Variants in TRIOBP observed in about 807,000 individuals in gnomAD.
The protein encoded by TRIOBP is TRIO and F-actin-binding protein.
A neutral mutation model predicts 238.8 loss-of-function variants in TRIOBP; 169 were observed. The observed-to-expected ratio is 0.71, with a 90% CI of 0.62 to 0.80. TRIOBP has a LOEUF of 0.80. Among genes scored for constraint, TRIOBP ranks in the 30% least tolerant of loss-of-function variants. TRIOBP has a pLI of 0.00. For missense variants in TRIOBP, 2,838 were observed against 3,122.6 expected (o/e 0.91, Z 2.17); for synonymous variants, 1,150 against 1,274.4 (o/e 0.90, Z 2.08).
Position 37,751,814 on chromosome 22 carries a change from G to C in TRIOBP, c.5365G>C (p.Asp1789His). ...CAAGAAGGGATGGATGTCGATCTTG[G>C]ACGAGCCTGGAGAGGTAAGAGGACT... ...NFKKGWMSIL[D>H]EPGEPPSPSL... Residue 1789 changes from aspartate to histidine, a missense_variant, in exon 12 of 24, where the codon GAC (aspartate) becomes CAC (histidine). Asp to His is a moderately conservative substitution (Grantham distance 81). This residue lies in a region of TRIOBP where 2,096 missense variants were observed against 2,137.4 expected (regional missense o/e 0.98). Transcript: ENST00000644935. 14 of 1,614,066 alleles carry C rather than the reference G, an allele frequency of 8.7e-6. No individual in the cohort carries two copies. Among genetic ancestry groups the C allele is most frequent in the Non-Finnish European group, 1.2e-5 (14 of 1,180,004 alleles).
intron 7 of TRIOBP, 46 bp downstream of exon 7, chr22:37,726,549 C>T (rs764789620): frequency 2.6e-5 from 37 of 1,426,414 alleles, no homozygotes; most frequent in Non-Finnish European, 3.3e-5. Context: ...GGAGGAGGCT[C>T]GGCAGCAGGA....
intron 15 of TRIOBP, among the ~76,000 whole-genome samples, 186 bp from the exon 16 acceptor site, chr22:37,757,427 C>G (rs540010269): frequency 3.4e-4 from 52 of 152,196 alleles, no homozygotes; most frequent in African/African-American, 1.2e-3. Context: ...CCTGGGCTGT[C>G]AAGAGGTGGA....
intron 11 of TRIOBP, among the ~76,000 whole-genome samples, chr22:37,746,893 TG>T: frequency 6.6e-6 from 1 of 151,320 alleles, no homozygotes; most frequent in Non-Finnish European, 1.5e-5. Flanking sequence ...GCCCTCCGTG[TG>T]GCCGCTGGCC....
chr22:37,770,173 TCA>T (rs1410419826), intron 21 of TRIOBP, among the ~76,000 whole-genome samples: 1 of 140,346 alleles, frequency 7.1e-6, no homozygotes, highest in African/African-American at 2.6e-5. Context: ...GCGCGGTGGC[TCA>T]CGCCTGTAAT....
chr22:37,735,614 AATG>A (rs930491325), intron 9 of TRIOBP, among the ~76,000 whole-genome samples, 172 bp downstream of exon 9: 2 of 152,164 alleles, frequency 1.3e-5, no homozygotes, highest in African/African-American at 2.4e-5. Context: ...CTGGCCCAAC[AATG>A]ATGATGAGCA....
Position 37,774,851 on chromosome 22 carries a change from G to C in TRIOBP, c.*1071G>C, listed in dbSNP as rs768240701. ...GGGCCCAGGGCCCAGGCCTGAGAGAGAGGCCTGGGGCTAAGACTAGCCCTG... is the reference window on the plus strand; with the variant it reads ...GGGCCCAGGGCCCAGGCCTGAGAGACAGGCCTGGGGCTAAGACTAGCCCTG... On this transcript the variant is annotated 3_prime_UTR_variant, in exon 24 of 24. Transcript: ENST00000644935. The C allele has an allele frequency of 6.6e-6, 1 of 152,208 alleles. No individual in the cohort carries two copies. The highest frequency in any genetic ancestry group is 2.1e-4 in the South Asian group (1 of 4,824). The allele number at this position is 152,208 out of a possible 1,614,324, so 9.4% of individuals were successfully genotyped here.
At chr22:37,699,784 G>T (rs1922549325) in intron 2 of TRIOBP, among the ~76,000 whole-genome samples, 1 of 152,062 alleles carries the variant, frequency 6.6e-6, no homozygotes, top group Non-Finnish European at 1.5e-5. Context: ...CAGGTGATCT[G>T]CCCGCCTCGG....
At chr22:37,759,947 A>T (rs1307788215) in intron 17 of TRIOBP, 1 of 241,814 alleles carries the variant, frequency 4.1e-6, no homozygotes, top group East Asian at 1.2e-4. Context: ...ATATAATTTT[A>T]TTGTGAATTC....
In TRIOBP at chr22:37,713,241, G is replaced by A; in HGVS notation, c.286G>A (p.Glu96Lys). 6.2e-7 allele frequency: 1 copy of A among 1,613,836 alleles called. No individual in the cohort carries two copies. The highest frequency in any genetic ancestry group is 8.5e-7 in the Non-Finnish European group (1 of 1,179,864). Residue 96 changes from glutamate (E) to lysine (K), a missense_variant, in exon 5 of 24, where the codon GAG (glutamate) becomes AAG (lysine). This residue lies in a region of TRIOBP where 535 missense variants were observed against 537.3 expected (regional missense o/e 1.00). Coordinates refer to ENST00000644935, the MANE Select transcript of TRIOBP (RefSeq NM_001039141.3). ...ATCCCCCTCAGCAGGGCTCCCAGAA[G>A]AGGGTCCCACAGCTGCCCCCAGGAG... ...GPSPSAGLPE[E>K]GPTAAPRSRS...
intron 4 of TRIOBP, 136 bp from the exon 5 acceptor site, chr22:37,713,074 A>G: frequency 1.5e-6 from 1 of 682,584 alleles, no homozygotes. Flanking sequence ...ACACAGAGGC[A>G]GCTCTCACCA....
chr22:37,759,455 G>T (rs181741158), intron 17 of TRIOBP, 191 bp downstream of exon 17: 1 of 1,486,754 alleles, frequency 6.7e-7, no homozygotes, highest in Admixed American at 1.7e-5. Context: ...TACAGACAAG[G>T]CCACTGAGCT....
At chr22:37,753,889 G>A (rs766418428) in intron 12 of TRIOBP, among the ~76,000 whole-genome samples, 5 of 152,176 alleles carry the variant, frequency 3.3e-5, no homozygotes, top group East Asian at 3.8e-4. Context: ...TGGGCGGGCC[G>A]CGACTGGCAT....
intron 11 of TRIOBP, among the ~76,000 whole-genome samples, chr22:37,744,892 G>A (rs963917509): frequency 2.6e-5 from 4 of 151,774 alleles, no homozygotes; most frequent in Non-Finnish European, 5.9e-5. Context: ...TTGAGAGGGA[G>A]TCTCGCTCCG....
chr22:37,723,347 G>A lies in TRIOBP; in HGVS notation c.791G>A (p.Arg264Lys). ...ACGTCTCAGGCTTCTCCTGCCCAAAGGGACACTGCTCAGGCTGCCTCTACA... is the reference window on the plus strand; with the variant it reads ...ACGTCTCAGGCTTCTCCTGCCCAAAAGGACACTGCTCAGGCTGCCTCTACA... Reference protein sequence around the residue: ...STTSQASPAQRDTAQAASTRE... With the variant: ...STTSQASPAQKDTAQAASTRE... The change falls in exon 7 of 24, where the codon AGG becomes AAG. Residue 264 changes from arginine to lysine, a missense_variant. By Grantham distance (26) the Arg-to-Lys change is conservative (BLOSUM62 2). Around this residue, in one of 5 missense-constraint regions of TRIOBP, gnomAD observed 535 missense variants for 537.3 expected, o/e 1.00. Coordinates refer to ENST00000644935, the MANE Select transcript of TRIOBP (RefSeq NM_001039141.3). The A allele has an allele frequency of 6.2e-7, 1 of 1,614,048 alleles. No homozygotes were observed. The highest frequency in any genetic ancestry group is 1.1e-5 in the South Asian group (1 of 91,086).
At chr22:37,726,547 C>G (rs1327878536) in intron 7 of TRIOBP, 44 bp downstream of exon 7, 1 of 1,428,558 alleles carries the variant, frequency 7.0e-7, no homozygotes, top group Non-Finnish European at 9.1e-7. Context: ...GGGGAGGAGG[C>G]TCGGCAGCAG....
chr22:37,731,848 C>G (rs1197795454), intron 7 of TRIOBP, among the ~76,000 whole-genome samples: 1 of 152,214 alleles, frequency 6.6e-6, no homozygotes, highest in Non-Finnish European at 1.5e-5. Context: ...CCTCAGCCTC[C>G]CAAAGTTCTG....
At chr22:37,759,574 A>T (rs1926134872) in intron 17 of TRIOBP, 2 of 1,591,352 alleles carry the variant, frequency 1.3e-6, no homozygotes, top group South Asian at 2.2e-5. Flanking sequence ...TCCCCGTGTG[A>T]CACTCTGCAC....
intron 11 of TRIOBP, among the ~76,000 whole-genome samples, chr22:37,744,327 CTTT>C (rs1039741684): frequency 1.1e-4 from 17 of 152,178 alleles, no homozygotes; most frequent in African/African-American, 3.9e-4. Flanking sequence ...CTGTGCATCT[CTTT>C]ATTTACTTAT....
intron 10 of TRIOBP, among the ~76,000 whole-genome samples, chr22:37,740,219 T>C (rs1052967680): frequency 6.6e-6 from 1 of 152,206 alleles, no homozygotes; most frequent in Non-Finnish European, 1.5e-5. Context: ...CCCTGGGCTC[T>C]CTCCTACCTT....
Sources: allele counts gnomAD v4.1 joint callset (sites outside exome capture counted in the v4.1 genomes callset), GRCh38; gene constraint gnomAD v4.1.1; regional missense constraint gnomAD v4.1.1; transcripts MANE v1.5; gene names NCBI Gene and HGNC (gene_info 2026-07-23, HGNC 2026-07-21).